PTPN4: variants seen among roughly 807,000 people sequenced by gnomAD.
PTPN4 encodes the protein protein tyrosine phosphatase non-receptor type 4.
A neutral mutation model predicts 135.5 loss-of-function variants in PTPN4; 49 were observed. That is an observed-to-expected ratio of 0.36 (90% CI 0.29 to 0.46). The LOEUF is 0.46. Ranked by LOEUF, PTPN4 falls within the 20% of genes least tolerant of loss-of-function variation. The pLI, the probability that PTPN4 is intolerant of heterozygous loss-of-function variation, is 1.00. For missense variants in PTPN4, 860 were observed against 1,101.0 expected (o/e 0.78, Z 3.10); for synonymous variants, 333 against 369.9 (o/e 0.90, Z 1.14).
At chr2:119,867,656 A>G (rs1309891029) in intron 3 of PTPN4, among the ~76,000 whole-genome samples, 1 of 152,142 alleles carries the variant, frequency 6.6e-6, no homozygotes, top group Non-Finnish European at 1.5e-5. Context: ...AGAATTTTGT[A>G]CCTAGATTAT....
intron 15 of PTPN4, among the ~76,000 whole-genome samples, chr2:119,942,803 C>T (rs982859807): frequency 3.3e-5 from 5 of 152,160 alleles, no homozygotes; most frequent in Non-Finnish European, 5.9e-5. Flanking sequence ...GGTTGAGTTA[C>T]ATATCTCTAT....
At chr2:119,824,961 T>TA (rs1347402864) in intron 2 of PTPN4, among the ~76,000 whole-genome samples, 1 of 152,234 alleles carries the variant, frequency 6.6e-6, no homozygotes, top group Non-Finnish European at 1.5e-5. Flanking sequence ...GTGCTGGGAT[T>TA]ACAGGTATGA....
chr2:119,856,559 G>A (rs1045003706), intron 2 of PTPN4, among the ~76,000 whole-genome samples: 1 of 152,298 alleles, frequency 6.6e-6, no homozygotes. Context: ...ATGATGAGTT[G>A]TGGGTCATTG....
At chr2:119,764,829 C>G (rs1024005409) in intron 1 of PTPN4, among the ~76,000 whole-genome samples, 1 of 152,136 alleles carries the variant, frequency 6.6e-6, no homozygotes, top group Non-Finnish European at 1.5e-5. Flanking sequence ...CCCTTGATCA[C>G]CACCATAATA....
chr2:119,798,094 C>CT (rs1409719716), intron 1 of PTPN4, among the ~76,000 whole-genome samples: 2 of 150,844 alleles, frequency 1.3e-5, no homozygotes, highest in Non-Finnish European at 2.9e-5. Flanking sequence ...ATTTATAATC[C>CT]TTTTTTAAAA....
At chr2:119,808,873 C>T (rs1160893109) in intron 1 of PTPN4, among the ~76,000 whole-genome samples, 1 of 152,196 alleles carries the variant, frequency 6.6e-6, no homozygotes, top group Non-Finnish European at 1.5e-5. Flanking sequence ...GAGAGATCAG[C>T]TCCAGGTATT....
chr2:119,969,625 C>T (rs1309237119), intron 26 of PTPN4, among the ~76,000 whole-genome samples: 1 of 131,540 alleles, frequency 7.6e-6, no homozygotes, highest in African/African-American at 2.8e-5. Context: ...GTGGCGCGAT[C>T]TCAGCTCACT....
rs1553464400 is a variant in PTPN4 at position 119,905,049 on chromosome 2, A to AAC, written c.764+4243_764+4244insAC. On this transcript the variant is annotated intron_variant, in intron 10 of 26. Transcript: ENST00000263708. ...GGTTATTACTACAAAAAAAAAAAAA[A>AAC]CAAATAATCAAGGGAAACAATAAGA... 1.2e-3 allele frequency among the ~76,000 whole-genome samples: 175 copies of AAC among 145,886 alleles called. 2 individuals carry two copies. Among genetic ancestry groups the AAC allele is most frequent in the East Asian group, 1.8e-3 (9 of 5,020 alleles).
intron 12 of PTPN4, among the ~76,000 whole-genome samples, chr2:119,924,634 A>AT (rs1185820695): frequency 6.6e-6 from 1 of 152,136 alleles, no homozygotes; most frequent in Non-Finnish European, 1.5e-5. Flanking sequence ...ACAGTTTTTC[A>AT]TTTTGTTGTA....
rs574836445 is a variant in PTPN4 at position 119,769,747 on chromosome 2, T to C, written c.-18+9363T>C. Among the ~76,000 whole-genome samples, 10 of 152,316 alleles carry C rather than the reference T, an allele frequency of 6.6e-5. No homozygotes were observed. The East Asian group carries it at 1.5e-3, about 23-fold the overall frequency. On this transcript the variant is annotated intron_variant, in intron 1 of 26. Coordinates refer to ENST00000263708, the MANE Select transcript of PTPN4 (RefSeq NM_002830.4). ...GATTAAGAGAAGGAAACTGTAATGG[T>C]TATTTTAAAGTTGGGTAAGCAAAAC...
chr2:119,925,682 C>T (rs1213830937), intron 12 of PTPN4, among the ~76,000 whole-genome samples: 1 of 152,126 alleles, frequency 6.6e-6, no homozygotes, highest in Non-Finnish European at 1.5e-5. Flanking sequence ...TCATAATAAG[C>T]AGTGGTGGAG....
intron 3 of PTPN4, among the ~76,000 whole-genome samples, chr2:119,870,923 C>T (rs1448312341): frequency 6.6e-6 from 1 of 151,758 alleles, no homozygotes; most frequent in Non-Finnish European, 1.5e-5. Flanking sequence ...GATTTCACTG[C>T]ATAACATACA....
intron 22 of PTPN4, among the ~76,000 whole-genome samples, chr2:119,959,318 G>T (rs982480514): frequency 1.3e-5 from 2 of 151,522 alleles, no homozygotes; most frequent in South Asian, 2.1e-4. Flanking sequence ...TGAAAAATAC[G>T]TGCAGTTTAC....
At chr2:119,973,422 T>C (rs1397314581) in intron 26 of PTPN4, among the ~76,000 whole-genome samples, 5 of 152,152 alleles carry the variant, frequency 3.3e-5, no homozygotes, top group Non-Finnish European at 7.4e-5. Flanking sequence ...CTTTTGCCTA[T>C]TGTGAATAAT....
intron 9 of PTPN4, among the ~76,000 whole-genome samples, chr2:119,887,460 T>C (rs72838962): frequency 0.024 from 3,667 of 152,274 alleles, 65 homozygotes; most frequent in Non-Finnish European, 0.033. Context: ...TCACTCCAGC[T>C]GGGGTGTCAG....
chr2:119,966,920 A>G (rs1446716602), intron 25 of PTPN4, among the ~76,000 whole-genome samples: 4 of 152,210 alleles, frequency 2.6e-5, no homozygotes, highest in Non-Finnish European at 5.9e-5. Flanking sequence ...ACCTTTGTTA[A>G]GTGATTTATT....
At chr2:119,917,514 G>A (rs1678671043) in intron 11 of PTPN4, among the ~76,000 whole-genome samples, 1 of 152,086 alleles carries the variant, frequency 6.6e-6, no homozygotes, top group African/African-American at 2.4e-5. Flanking sequence ...TGGGTGGATT[G>A]CTTTAGGCCT....
chr2:119,961,522 A>G (rs1679366418), intron 23 of PTPN4, among the ~76,000 whole-genome samples: 1 of 152,240 alleles, frequency 6.6e-6, no homozygotes, highest in South Asian at 2.1e-4. Context: ...AAAGAGTTAA[A>G]CGTCGAGTTG....
At chr2:119,932,397 A>T in intron 13 of PTPN4, 27 bp from the exon 14 acceptor site, 1 of 1,538,548 alleles carries the variant, frequency 6.5e-7, no homozygotes, top group Non-Finnish European at 8.8e-7. Flanking sequence ...TAAAACTTTT[A>T]ACATATTATT....
Sources: gnomAD v4.1 joint callset for allele counts (sites outside exome capture counted in the v4.1 genomes callset) on GRCh38, gnomAD v4.1.1 for gene constraint, MANE v1.5 for transcripts, NCBI Gene and HGNC (gene_info 2026-07-23, HGNC 2026-07-21) for gene names.